VPS13A: variants seen among roughly 807,000 people sequenced by gnomAD.
VPS13A encodes the protein vacuolar protein sorting 13 homolog A.
VPS13A carries 264 observed loss-of-function variants against 390.9 expected under a neutral mutation model. That is an observed-to-expected ratio of 0.68 (90% CI 0.61 to 0.75). The LOEUF (loss-of-function observed/expected upper bound fraction) is 0.75, where lower values mean the gene tolerates loss of function less well. Among genes scored for constraint, VPS13A ranks in the 30% least tolerant of loss-of-function variants. The pLI is 0.00. For missense variants in VPS13A, 3,409 were observed against 3,733.9 expected (o/e 0.91, Z 2.27); for synonymous variants, 1,231 against 1,227.1 (o/e 1.00, Z -0.07).
At chr9:77,308,817 T>C (rs2131411578) in intron 35 of VPS13A, among the ~76,000 whole-genome samples, 1 of 152,286 alleles carries the variant, frequency 6.6e-6, no homozygotes, top group East Asian at 1.9e-4. Context: ...TTCACAAGAC[T>C]CACCTTTGCA....
chr9:77,255,898 C>G (rs1269472932), intron 22 of VPS13A, among the ~76,000 whole-genome samples: 1 of 151,878 alleles, frequency 6.6e-6, no homozygotes, highest in Admixed American at 6.6e-5. Flanking sequence ...GTTTTTTTCT[C>G]AGTCTAACTA....
intron 19 of VPS13A, among the ~76,000 whole-genome samples, chr9:77,243,839 T>C (rs1465253785): frequency 6.6e-6 from 1 of 152,096 alleles, no homozygotes; most frequent in African/African-American, 2.4e-5. Flanking sequence ...ATGGGTCCAA[T>C]CAGGAAAGAA....
chr9:77,282,302 C>CTTT, intron 29 of VPS13A, 28 bp downstream of exon 29: 13 of 1,369,738 alleles, frequency 9.5e-6, no homozygotes, highest in East Asian at 2.6e-5. Flanking sequence ...TTAGCATCAA[C>CTTT]TTTTTTTTTT....
At chr9:77,202,783 GATAAT>G (rs1374150068) in intron 3 of VPS13A, among the ~76,000 whole-genome samples, 1 of 152,080 alleles carries the variant, frequency 6.6e-6, no homozygotes, top group African/African-American at 2.4e-5. Context: ...AATTTTTAGT[GATAAT>G]ATAAGATAGT....
At chr9:77,397,240 C>T (rs1834153942) in intron 68 of VPS13A, among the ~76,000 whole-genome samples, 1 of 152,226 alleles carries the variant, frequency 6.6e-6, no homozygotes, top group Admixed American at 6.5e-5. Context: ...CCGCCCGCCT[C>T]GGCCTCCCAA....
intron 68 of VPS13A, among the ~76,000 whole-genome samples, chr9:77,398,305 C>T (rs545711940): frequency 2.0e-5 from 3 of 152,204 alleles, no homozygotes; most frequent in East Asian, 3.9e-4. Context: ...TATAGTGAAA[C>T]GCACTGGAAT....
intron 70 of VPS13A, among the ~76,000 whole-genome samples, chr9:77,407,218 G>A (rs910343814): frequency 6.6e-6 from 1 of 152,106 alleles, no homozygotes; most frequent in South Asian, 2.1e-4. Flanking sequence ...ATTTGGAGAC[G>A]AAAAACAGTG....
chr9:77,315,548 G>A, intron 38 of VPS13A, 78 bp downstream of exon 38: 1 of 1,326,222 alleles, frequency 7.5e-7, no homozygotes, highest in South Asian at 1.2e-5. Context: ...TAGCCTTTTA[G>A]ATCATCAAAG....
intron 31 of VPS13A, among the ~76,000 whole-genome samples, chr9:77,289,055 C>G (rs1333596078): frequency 2.0e-5 from 3 of 152,088 alleles, no homozygotes; most frequent in Non-Finnish European, 4.4e-5. Flanking sequence ...AATGGTCTAT[C>G]TTTTTCTGTC....
intron 33 of VPS13A, among the ~76,000 whole-genome samples, chr9:77,300,382 C>T (rs1408612155): frequency 6.6e-6 from 1 of 152,110 alleles, no homozygotes; most frequent in Non-Finnish European, 1.5e-5. Flanking sequence ...AATAGAATTA[C>T]TCAGTTATAG....
At position 77,315,897 on chromosome 9, in the gene VPS13A, T is replaced by G. The variant is rs538195146; in HGVS notation, c.4631-277T>G. On this transcript the variant is annotated intron_variant, in intron 38 of 71. Coordinates refer to ENST00000360280, the MANE Select transcript of VPS13A (RefSeq NM_033305.3). ...TCTATTATCTTTTTATAATATGTGA[T>G]TTACTGTGGTATAGTAGAAAGAGTA... Among the ~76,000 whole-genome samples the G allele has an allele frequency of 2.0e-5, 3 of 152,112 alleles. No homozygotes were observed. In the East Asian group the frequency reaches 5.8e-4, roughly 29 times the overall value.
chr9:77,398,036 AC>A (rs1033512930), intron 68 of VPS13A, among the ~76,000 whole-genome samples: 1 of 152,174 alleles, frequency 6.6e-6, no homozygotes, highest in African/African-American at 2.4e-5. Flanking sequence ...TGATTCCCAA[AC>A]CCTGATTTTG....
intron 1 of VPS13A, among the ~76,000 whole-genome samples, chr9:77,190,794 A>G (rs1055128457): frequency 1.5e-4 from 23 of 152,274 alleles, no homozygotes; most frequent in African/African-American, 5.5e-4. Flanking sequence ...TCCAGGTTCA[A>G]TCTTGGGAGG....
In VPS13A at chr9:77,248,877, G is replaced by A. The variant is rs894259675; in HGVS notation, c.2038-1220G>A. ...CTCCCAAGTAGCTGGGATTTCAGGC[G>A]TGTGCCATCAAGCCCAGACAGTTTT... On this transcript the variant is annotated intron_variant, in intron 20 of 71. Transcript: ENST00000360280. Among the ~76,000 whole-genome samples, 4 of 152,150 alleles carry A rather than the reference G, an allele frequency of 2.6e-5. No individual in the cohort carries two copies. The South Asian group carries it at 6.2e-4, about 24-fold the overall frequency.
In VPS13A at chr9:77,305,074, G is replaced by C. The variant is rs576875698; in HGVS notation, c.3960+2012G>C. On this transcript the variant is annotated intron_variant, in intron 34 of 71. Transcript: ENST00000360280. The stretch of plus-strand genomic sequence containing the variant: ...CTGCCTCAGCCTCCCGAATAGCTGG[G>C]ACTACAGGCATCCGCCACCGCGCCC... Among the ~76,000 whole-genome samples, 3 of 152,114 alleles carry C rather than the reference G, an allele frequency of 2.0e-5. No homozygotes were observed. The East Asian group carries it at 5.8e-4, about 29-fold the overall frequency.
intron 39 of VPS13A, 137 bp downstream of exon 39, chr9:77,316,543 A>G (rs1829399365): frequency 2.9e-6 from 2 of 687,900 alleles, no homozygotes; most frequent in South Asian, 3.5e-5. Context: ...AGAGAGCTTA[A>G]TTTAGAATAT....
At chr9:77,199,825 T>C (rs1370860258) in intron 1 of VPS13A, 120 bp from the exon 2 acceptor site, 17 of 754,760 alleles carry the variant, frequency 2.3e-5, no homozygotes, top group Non-Finnish European at 3.6e-5. Context: ...CAGATTATAT[T>C]ATCTGTTATG....
chr9:77,357,430 TG>T (rs1831871578), intron 55 of VPS13A, among the ~76,000 whole-genome samples: 1 of 151,916 alleles, frequency 6.6e-6, no homozygotes, highest in Non-Finnish European at 1.5e-5. Flanking sequence ...ATTTTTTCAC[TG>T]TACTTTCTTT....
chr9:77,407,261 T>A (rs1175933349), intron 70 of VPS13A, among the ~76,000 whole-genome samples: 1 of 152,202 alleles, frequency 6.6e-6, no homozygotes, highest in Non-Finnish European at 1.5e-5. Flanking sequence ...CTTCCCATCC[T>A]TTATGTCGAC....
Sources: gnomAD v4.1 joint callset for allele counts (sites outside exome capture counted in the v4.1 genomes callset) on GRCh38, gnomAD v4.1.1 for gene constraint, MANE v1.5 for transcripts, NCBI Gene and HGNC (gene_info 2026-07-23, HGNC 2026-07-21) for gene names.